HECW1: variants seen among roughly 807,000 people sequenced by gnomAD.
HECW1 encodes the protein E3 ubiquitin-protein ligase HECW1.
A neutral mutation model predicts 182.3 loss-of-function variants in HECW1; 61 were observed. The ratio of observed to expected loss-of-function variants is 0.33; its 90% CI spans 0.27 to 0.41. The LOEUF is 0.41. Among genes scored for constraint, HECW1 ranks in the 10% least tolerant of loss-of-function variants. The pLI is 1.00. For synonymous variants in HECW1, 859 were observed against 832.6 expected (o/e 1.03, Z -0.55); for missense variants, 1,739 against 2,108.9 (o/e 0.82, Z 3.44).
chr7:43,405,233 A>G (rs369739622), intron 7 of HECW1, among the ~76,000 whole-genome samples: 4 of 151,760 alleles, frequency 2.6e-5, no homozygotes, highest in South Asian at 4.2e-4. Flanking sequence ...AATGGTAGTC[A>G]CTATTTTATG....
chr7:43,234,871 GC>G (rs910727469), intron 2 of HECW1, among the ~76,000 whole-genome samples: 2 of 152,162 alleles, frequency 1.3e-5, no homozygotes, highest in Non-Finnish European at 2.9e-5. Flanking sequence ...TGAATGAAAA[GC>G]CCCCTCCACA....
At chr7:43,516,044 T>C (rs1167339388) in intron 24 of HECW1, among the ~76,000 whole-genome samples, 13 of 152,256 alleles carry the variant, frequency 8.5e-5, no homozygotes, top group Admixed American at 7.8e-4. Context: ...TCCTGAGCAC[T>C]CAATTTAAAA....
chr7:43,246,140 T>A (rs868689277), intron 3 of HECW1, among the ~76,000 whole-genome samples: 1,465 of 144,222 alleles, frequency 0.01, 25 homozygotes, highest in African/African-American at 0.034. Context: ...CTATGAAAAA[T>A]AAAAAAAAAA....
At chr7:43,514,242 G>T (rs942403573) in intron 24 of HECW1, among the ~76,000 whole-genome samples, 3 of 151,606 alleles carry the variant, frequency 2.0e-5, no homozygotes, top group Non-Finnish European at 2.9e-5. Context: ...TGTGTCTGTT[G>T]TGTCTTTGAT....
chr7:43,516,716 A>G (rs369573880), intron 24 of HECW1, among the ~76,000 whole-genome samples: 2 of 152,356 alleles, frequency 1.3e-5, no homozygotes, highest in East Asian at 3.9e-4. Context: ...CCTCTGAGAA[A>G]TGCATCACTA....
intron 21 of HECW1, among the ~76,000 whole-genome samples, chr7:43,505,819 C>T (rs1444867921): frequency 6.6e-6 from 1 of 152,184 alleles, no homozygotes; most frequent in East Asian, 1.9e-4. Context: ...TCTCAAAGAA[C>T]TGGTTTTCTT....
rs374384580 is a variant in HECW1 at position 43,445,259 on chromosome 7, C to T, written c.2087C>T (p.Ser696Leu). The T allele has an allele frequency of 3.0e-4, 482 of 1,612,694 alleles. 1 individual carries two copies. Among genetic ancestry groups the T allele is most frequent in the Middle Eastern group, 8.2e-4 (5 of 6,084 alleles). Residue 696 changes from serine (S) to leucine (L), a missense_variant, in exon 11 of 30, where the codon TCG becomes TTG. This residue lies in a region of HECW1 where 971 missense variants were observed against 1,029.1 expected (regional missense o/e 0.94). Transcript: ENST00000395891. ...TACAGCACGTCCTGCTACAGCAGCT[C>T]GTGCTACAGCGCCTCGTGCTACAGC... ...SCYSTSCYSSSCYSASCYSPS... is the reference protein window; with the variant it reads ...SCYSTSCYSSLCYSASCYSPS...
chr7:43,344,272 ATTTGCCTATTT>A (rs1483309519), intron 5 of HECW1, among the ~76,000 whole-genome samples: 1 of 151,606 alleles, frequency 6.6e-6, no homozygotes, highest in Non-Finnish European at 1.5e-5. Flanking sequence ...ATTAGATCCC[ATTTGCCTATTT>A]TGGCTTTTCT....
intron 24 of HECW1, among the ~76,000 whole-genome samples, chr7:43,535,202 G>C (rs4373425): frequency 0.21 from 32,580 of 152,172 alleles, 3,651 homozygotes; most frequent in Admixed American, 0.26. Flanking sequence ...GCAATGCGCT[G>C]AAGGGGAGGG....
intron 7 of HECW1, among the ~76,000 whole-genome samples, chr7:43,402,227 G>A (rs1327358111): frequency 6.6e-6 from 1 of 152,180 alleles, no homozygotes. Flanking sequence ...TAACACTTAA[G>A]CCAGCCGCAG....
chr7:43,249,312 A>G (rs1799788113), intron 3 of HECW1: 1 of 152,428 alleles, frequency 6.6e-6, no homozygotes, highest in Non-Finnish European at 1.5e-5. Context: ...CTGACGCAGC[A>G]CCCCTGAAGG....
intron 4 of HECW1, among the ~76,000 whole-genome samples, chr7:43,319,344 G>A (rs1184451642): frequency 5.0e-5 from 7 of 140,162 alleles, no homozygotes; most frequent in South Asian, 2.6e-4. Flanking sequence ...CCGAGATTGC[G>A]CCACTGGAGT....
chr7:43,256,327 C>T (rs191882243), intron 3 of HECW1, among the ~76,000 whole-genome samples: 5 of 152,140 alleles, frequency 3.3e-5, no homozygotes. Context: ...AGATGAACAT[C>T]GGCTGGGTAC....
intron 2 of HECW1, among the ~76,000 whole-genome samples, chr7:43,217,946 G>A (rs375714495): frequency 2.2e-4 from 34 of 151,916 alleles, no homozygotes; most frequent in African/African-American, 7.8e-4. Flanking sequence ...TGGGGCTGGA[G>A]AGTGCAGGAT....
rs572442701 is a variant in HECW1, at chr7:43,218,890, A to G, written c.-31-24985A>G. 2.8e-4 allele frequency among the ~76,000 whole-genome samples: 42 copies of G among 152,306 alleles called. 1 individual carries two copies. In the South Asian group the frequency reaches 8.5e-3, roughly 31 times the overall value. ...GAGCAGAGGGTTTAATAGACAAGAA[A>G]GAAGAAGAAAGAAGGAAGAAGCTCC... On this transcript the variant is annotated intron_variant, in intron 2 of 29. Coordinates refer to ENST00000395891, the MANE Select transcript of HECW1 (RefSeq NM_015052.5).
At chr7:43,375,303 A>C (rs913971656) in intron 6 of HECW1, among the ~76,000 whole-genome samples, 3 of 152,062 alleles carry the variant, frequency 2.0e-5, no homozygotes, top group African/African-American at 7.2e-5. Context: ...GGGAAAAAAA[A>C]AATAGTTCTC....
At chr7:43,114,964 T>A (rs1486829212) in intron 2 of HECW1, among the ~76,000 whole-genome samples, 1 of 152,256 alleles carries the variant, frequency 6.6e-6, no homozygotes, top group East Asian at 1.9e-4. Flanking sequence ...CTTTACCTTC[T>A]ATTATGCTTC....
chr7:43,168,042 G>T (rs1791300140), intron 2 of HECW1, among the ~76,000 whole-genome samples: 1 of 152,108 alleles, frequency 6.6e-6, no homozygotes, highest in African/African-American at 2.4e-5. Context: ...AATCCCCATA[G>T]CCCGTGGTGT....
At chr7:43,475,449 T>C (rs2078184976) in intron 16 of HECW1, among the ~76,000 whole-genome samples, 1 of 152,206 alleles carries the variant, frequency 6.6e-6, no homozygotes, top group African/African-American at 2.4e-5. Flanking sequence ...CAATACTTAA[T>C]AAAATATAGA....
Sources: allele counts gnomAD v4.1 joint callset (sites outside exome capture counted in the v4.1 genomes callset), GRCh38; gene constraint gnomAD v4.1.1; regional missense constraint gnomAD v4.1.1; transcripts MANE v1.5; gene names NCBI Gene and HGNC (gene_info 2026-07-23, HGNC 2026-07-21).